OR3A2: variants seen among roughly 807,000 people sequenced by gnomAD.
OR3A2 encodes the protein olfactory receptor family 3 subfamily A member 2, also known as olfactory receptor 3A2.
For missense variants in OR3A2, 318 were observed against 392.8 expected (o/e 0.81, Z 1.61); for synonymous variants, 126 against 159.3 (o/e 0.79, Z 1.57).
intron 1 of OR3A2, 44 bp downstream of exon 4, chr17:3,279,032 C>T: frequency 6.5e-7 from 1 of 1,528,948 alleles, no homozygotes; most frequent in Non-Finnish European, 8.8e-7. Flanking sequence ...GTCCCCAGGC[C>T]ATCCCTCACT....
chr17:3,356,579 CAAT>C (rs1441074224), intron 2 of OR3A2, among the ~76,000 whole-genome samples: 4 of 151,328 alleles, frequency 2.6e-5, no homozygotes, highest in African/African-American at 4.9e-5. Flanking sequence ...ACAAACAGAC[CAAT>C]AATAATAATG....
At chr17:3,358,362 G>A (rs1461459891) in intron 2 of OR3A2, among the ~76,000 whole-genome samples, 2 of 151,538 alleles carry the variant, frequency 1.3e-5, no homozygotes, top group African/African-American at 4.9e-5. Context: ...TTTGACTTGT[G>A]AAGTTATGTT....
At chr17:3,386,252 G>A (rs1436897160) in exon 1 of OR3A2, 1 of 398,672 alleles carries the variant, frequency 2.5e-6, no homozygotes. Context: ...GTGGCTCTGG[G>A]CATCACCGAG....
intron 3 of OR3A2, among the ~76,000 whole-genome samples, chr17:3,305,990 T>C (rs1400806285): frequency 6.6e-6 from 1 of 152,208 alleles, no homozygotes; most frequent in East Asian, 1.9e-4. Context: ...TGCCAAATAA[T>C]GAGTGGCAGG....
At chr17:3,354,813 G>A (rs1169066123) in intron 2 of OR3A2, among the ~76,000 whole-genome samples, 3 of 151,050 alleles carry the variant, frequency 2.0e-5, no homozygotes, top group Admixed American at 6.6e-5. Flanking sequence ...GGGTAGGTTT[G>A]CTCTTGCTTT....
chr17:3,327,128 G>A (rs113041418), intron 3 of OR3A2, among the ~76,000 whole-genome samples: 1 of 66,320 alleles, frequency 1.5e-5, no homozygotes, highest in Non-Finnish European at 2.4e-5. Context: ...GAGGAATCGC[G>A]ACACTGACTT....
chr17:3,331,757 AGG>A, intron 3 of OR3A2, among the ~76,000 whole-genome samples: 1 of 152,102 alleles, frequency 6.6e-6, no homozygotes, highest in Admixed American at 6.5e-5. Flanking sequence ...ATTGCTGGTG[AGG>A]AACTGCATTC....
chr17:3,386,282 T>A lies in OR3A2; in HGVS notation c.-432A>T. On this transcript the variant is annotated 5_prime_UTR_variant, in exon 1 of 5. It removes an upstream start codon present in the reference 5' UTR. Coordinates refer to the OR3A2 transcript ENST00000573491. ...ACCGAGAGCTACCTCCTGGCGGCCA[T>A]GTCCTACGACCGCCCGACGGCGGCG... The A allele has an allele frequency of 5.0e-6, 2 of 398,338 alleles. No individual in the cohort carries two copies. Among genetic ancestry groups the A allele is most frequent in the East Asian group, 3.6e-5 (1 of 28,024 alleles). The allele number at this position is 398,338 out of a possible 1,614,324, so 24.7% of individuals were successfully genotyped here.
At chr17:3,346,993 C>T (rs941815924) in intron 2 of OR3A2, among the ~76,000 whole-genome samples, 2 of 152,090 alleles carry the variant, frequency 1.3e-5, no homozygotes. Flanking sequence ...AGTGCTGCAA[C>T]GAACATGGGA....
intron 3 of OR3A2, among the ~76,000 whole-genome samples, chr17:3,308,031 A>G (rs1472707482): frequency 1.3e-5 from 2 of 152,236 alleles, no homozygotes; most frequent in Admixed American, 6.5e-5. Context: ...TGATTACAAG[A>G]GTGCCGTTTC....
chr17:3,344,822 G>C (rs1464360596), intron 2 of OR3A2, among the ~76,000 whole-genome samples: 7 of 152,154 alleles, frequency 4.6e-5, no homozygotes, highest in Admixed American at 6.6e-5. Flanking sequence ...TCCAACCAAA[G>C]TGAATCCTAG....
In OR3A2 at chr17:3,355,248, C is replaced by A. The variant is rs567174304; in HGVS notation, c.-178-19122G>T. ...ACTATCATTGAGAATGATCCATGTG[C>A]TGAGGAAAAGAATGTGTATTCTGCA... On this transcript the variant is annotated intron_variant, in intron 2 of 4. Coordinates refer to the OR3A2 transcript ENST00000573491. Among the ~76,000 whole-genome samples, 16 of 151,508 alleles carry A rather than the reference C, an allele frequency of 1.1e-4. 2 individuals are homozygous for A. The highest frequency in any genetic ancestry group is 3.2e-4 in the African/African-American group (13 of 41,078).
At chr17:3,373,477 G>A (rs1194348343) in intron 2 of OR3A2, among the ~76,000 whole-genome samples, 1 of 152,138 alleles carries the variant, frequency 6.6e-6, no homozygotes, top group Non-Finnish European at 1.5e-5. Flanking sequence ...GAGCTCCAGT[G>A]TTCGGTACAT....
At chr17:3,339,379 C>A (rs1196912911) in intron 2 of OR3A2, among the ~76,000 whole-genome samples, 1 of 152,168 alleles carries the variant, frequency 6.6e-6, no homozygotes, top group African/African-American at 2.4e-5. Flanking sequence ...AGTTTTTGCC[C>A]ATTCAGAATG....
chr17:3,377,701 G>A (rs1422175595), intron 2 of OR3A2: 1 of 152,248 alleles, frequency 6.6e-6, no homozygotes, highest in Non-Finnish European at 1.5e-5. Context: ...AGAAGACTCT[G>A]AGGATAGCTG....
intron 2 of OR3A2, among the ~76,000 whole-genome samples, chr17:3,346,237 C>G (rs2049362876): frequency 6.6e-6 from 1 of 152,018 alleles, no homozygotes. Context: ...GGTATATATA[C>G]TATATTTTCT....
intron 3 of OR3A2, among the ~76,000 whole-genome samples, chr17:3,331,467 A>G (rs12603187): frequency 0.4 from 60,169 of 149,970 alleles, 12,157 homozygotes; most frequent in Admixed American, 0.51. Context: ...CATTCATTTC[A>G]TCTTCCATCG....
chr17:3,366,627 G>A (rs1374602454), intron 2 of OR3A2, among the ~76,000 whole-genome samples: 2 of 152,160 alleles, frequency 1.3e-5, no homozygotes, highest in Non-Finnish European at 2.9e-5. Context: ...CTATTATGGA[G>A]ATTTATGATT....
intron 2 of OR3A2, among the ~76,000 whole-genome samples, chr17:3,346,167 A>C (rs1178120194): frequency 6.6e-6 from 1 of 152,232 alleles, no homozygotes; most frequent in Non-Finnish European, 1.5e-5. Flanking sequence ...CTCCATGTGC[A>C]TCCATGTTGT....
Sources: allele counts gnomAD v4.1 joint callset (sites outside exome capture counted in the v4.1 genomes callset), GRCh38; gene constraint gnomAD v4.1.1; transcripts MANE v1.5; gene names NCBI Gene and HGNC (gene_info 2026-07-23, HGNC 2026-07-21).